The following LOXL1 variants were observed in gnomAD, a reference collection of about 807,000 sequenced individuals.
The protein encoded by LOXL1 is lysyl oxidase homolog 1.
Under a neutral mutation model 62.2 loss-of-function variants are expected in LOXL1, and 31 were observed. The observed-to-expected ratio is 0.50, with a 90% CI of 0.37 to 0.67. The LOEUF (loss-of-function observed/expected upper bound fraction) is 0.67. LOXL1 is among the 30% of genes least tolerant of loss of function. The pLI is 0.00. For missense variants in LOXL1, 775 were observed against 843.4 expected, an observed-to-expected ratio of 0.92 and a Z score of 1.00; for synonymous variants, 403 against 384.4, an observed-to-expected ratio of 1.05 and a Z score of -0.56.
Position 73,947,642 on chromosome 15 carries a change from T to C in LOXL1, c.1507-165T>C, listed in dbSNP as rs949111856. On this transcript the variant is annotated intron_variant, in intron 4 of 6. Transcript: ENST00000261921. ...ATATCTGTCTTTCCTCTGGTCCATC[T>C]AGCCAGTGGCTTTAGGAAGGTGTGG... is the stretch of plus-strand genomic sequence containing the variant. The C allele has an allele frequency of 2.9e-5, 16 of 561,014 alleles. No homozygotes were observed. In the South Asian group the frequency reaches 3.6e-4, roughly 13 times the overall value. The allele number at this position is 561,014 out of a possible 1,614,324, so 34.8% of individuals were successfully genotyped here.
intron 1 of LOXL1, among the ~76,000 whole-genome samples, chr15:73,933,701 G>C (rs1595844577): frequency 2.0e-5 from 3 of 152,388 alleles, no homozygotes; most frequent in Admixed American, 2.0e-4. Flanking sequence ...ACACATGGAA[G>C]ACTTCCCAGG....
At chr15:73,939,259 G>T (rs561854559) in intron 1 of LOXL1, among the ~76,000 whole-genome samples, 43 of 152,304 alleles carry the variant, frequency 2.8e-4, no homozygotes, top group Admixed American at 2.2e-3. Flanking sequence ...AGGAGCCATT[G>T]TTCCTTCCTG....
intron 4 of LOXL1, 41 bp downstream of exon 4, chr15:73,947,264 GGAGTT>G: frequency 6.4e-7 from 1 of 1,560,514 alleles, no homozygotes. Context: ...GGGAGGATAA[GGAGTT>G]GGGGAGGCAA....
chr15:73,927,592 T>C lies in LOXL1; in HGVS notation c.809T>C (p.Leu270Pro). Residue 270 changes from leucine (L) to proline (P), a missense_variant, in exon 1 of 7, where the codon CTG becomes CCG. Coordinates refer to ENST00000261921, the MANE Select transcript of LOXL1 (RefSeq NM_005576.4). Reference sequence around the variant, plus strand: ...CCGCCGCCGCCGCCCCCCGACGGCCTGGACCGCCGCTACTCGCACAGTCTG... The same window carrying C: ...CCGCCGCCGCCGCCCCCCGACGGCCCGGACCGCCGCTACTCGCACAGTCTG... ...VPPPPPPPDG[L>P]DRRYSHSLYS... 1 of 1,501,530 alleles carries C rather than the reference T, an allele frequency of 6.7e-7. No homozygotes were observed. Among genetic ancestry groups the C allele is most frequent in the Admixed American group, 2.1e-5 (1 of 46,988 alleles). The allele number at this position is 1,501,530 out of a possible 1,614,324, so 93.0% of individuals were successfully genotyped here. A position where few individuals can be genotyped will look rare whatever the true frequency, so the allele number is the denominator to read the frequency against.
At chr15:73,950,293 TAAAAA>T (rs5813735) in intron 6 of LOXL1, among the ~76,000 whole-genome samples, 10 of 146,088 alleles carry the variant, frequency 6.8e-5, no homozygotes, top group Admixed American at 6.8e-4. Context: ...CCTTTTCCAT[TAAAAA>T]AAAAAAAAAA....
At chr15:73,940,553 C>T (rs1484974452) in intron 1 of LOXL1, among the ~76,000 whole-genome samples, 2 of 152,048 alleles carry the variant, frequency 1.3e-5, no homozygotes, top group Non-Finnish European at 2.9e-5. Context: ...ATCAGACCTC[C>T]GTCTGTGACC....
intron 1 of LOXL1, 30 bp downstream of exon 1, chr15:73,927,915 G>A (rs2068602278): frequency 7.7e-7 from 1 of 1,297,222 alleles, no homozygotes; most frequent in Non-Finnish European, 9.7e-7. Flanking sequence ...CCCTCCGGCC[G>A]CGCGTACCCC....
At chr15:73,935,934 G>GGTGTGTGTGT (rs3056338) in intron 1 of LOXL1, among the ~76,000 whole-genome samples, 18,328 of 131,648 alleles carry the variant, frequency 0.14, 1,491 homozygotes, top group East Asian at 0.22. Context: ...AGGTAGAGCT[G>GGTGTGTGTGT]GTGTGTGTGT....
intron 1 of LOXL1, among the ~76,000 whole-genome samples, chr15:73,935,179 G>A (rs2068662282): frequency 6.6e-6 from 1 of 152,278 alleles, no homozygotes; most frequent in Non-Finnish European, 1.5e-5. Flanking sequence ...CTGCTAAACA[G>A]GGCCCCTGAC....
At chr15:73,929,355 C>G (rs976646614) in intron 1 of LOXL1, among the ~76,000 whole-genome samples, 2 of 152,236 alleles carry the variant, frequency 1.3e-5, no homozygotes, top group Admixed American at 1.3e-4. Context: ...AGTATAGGTG[C>G]TAGTGCCCCA....
Position 73,945,892 on chromosome 15 carries a change from C to A in LOXL1, c.1212-525C>A, listed in dbSNP as rs908062418. 2.0e-5 allele frequency among the ~76,000 whole-genome samples: 3 copies of A among 151,974 alleles called. No homozygotes were observed. The highest frequency in any genetic ancestry group is 4.4e-5 in the Non-Finnish European group (3 of 67,998). ...TAATTTTTTAATTTTTTAAAAATTT[C>A]TTTAATTAAATTAATTTTTTAAATT... On this transcript the variant is annotated intron_variant, in intron 2 of 6. Coordinates refer to ENST00000261921, the MANE Select transcript of LOXL1 (RefSeq NM_005576.4). This position sits in a 1 kb window ranked among gnomAD's most constrained non-coding sequence, Gnocchi z 4.3.
At position 73,952,012 on chromosome 15, in the gene LOXL1, C is replaced by T. The variant is rs1015580225; in HGVS notation, c.*175C>T. On this transcript the variant is annotated 3_prime_UTR_variant, in exon 7 of 7. Coordinates refer to ENST00000261921, the MANE Select transcript of LOXL1 (RefSeq NM_005576.4). Reference sequence around the variant, plus strand: ...CCACAGGGATTCCGGACGCCAGACCCCATTTTATACTTCACTTTTCTCTAC... The same window carrying T: ...CCACAGGGATTCCGGACGCCAGACCTCATTTTATACTTCACTTTTCTCTAC... 3 of 431,138 alleles carry T rather than the reference C, an allele frequency of 7.0e-6. No homozygotes were observed. Among genetic ancestry groups the T allele is most frequent in the South Asian group, 6.5e-5 (1 of 15,454 alleles). 26.7% of individuals were successfully genotyped at this position (431,138 alleles called of 1,614,324 possible). A position where few individuals can be genotyped will look rare whatever the true frequency, so the allele number is the denominator to read the frequency against.
Position 73,926,929 on chromosome 15 carries a change from G to A in LOXL1, c.146G>A (p.Gly49Glu). The A allele has an allele frequency of 6.4e-7, 1 of 1,570,868 alleles. No individual in the cohort carries two copies. Among genetic ancestry groups the A allele is most frequent in the Non-Finnish European group, 8.6e-7 (1 of 1,159,354 alleles). ...WRQLIQWENNGQVYSLLNSGS... is the reference protein window; with the variant it reads ...WRQLIQWENNEQVYSLLNSGS... ...CAGCTGATCCAGTGGGAGAACAACG[G>A]GCAGGTGTACAGCTTGCTCAACTCG... The change falls in exon 1 of 7, where the codon GGG (glycine) becomes GAG (glutamate). Residue 49 changes from glycine (G) to glutamate (E), a missense_variant. Physicochemically the swap from Gly to Glu is moderately conservative, Grantham distance 98 (BLOSUM62 -2). Coordinates refer to ENST00000261921, the MANE Select transcript of LOXL1 (RefSeq NM_005576.4).
At chr15:73,943,422 G>C (rs2068728257) in intron 2 of LOXL1, among the ~76,000 whole-genome samples, 5 of 152,336 alleles carry the variant, frequency 3.3e-5, no homozygotes, top group African/African-American at 1.2e-4. Flanking sequence ...CAGGAGTATG[G>C]AGCCATGTCC....
intron 1 of LOXL1, among the ~76,000 whole-genome samples, chr15:73,940,453 G>GTTT (rs77904740): frequency 6.9e-6 from 1 of 145,808 alleles, no homozygotes; most frequent in Admixed American, 6.8e-5. Context: ...AGCAATTCCT[G>GTTT]TTTTTTTTTT....
At position 73,942,946 on chromosome 15, in the gene LOXL1, G is replaced by C; in HGVS notation, c.1195G>C (p.Glu399Gln). 6.2e-7 allele frequency: 1 copy of C among 1,613,798 alleles called. No individual in the cohort carries two copies. The highest frequency in any genetic ancestry group is 8.5e-7 in the Non-Finnish European group (1 of 1,179,700). The change falls in exon 2 of 7, where the codon GAG (glutamate) becomes CAG (glutamine). Residue 399 changes from glutamate to glutamine, a missense_variant. Physicochemically the swap from Glu to Gln is conservative, Grantham distance 29. Transcript: ENST00000261921. ...HLYSLRCAAE[E>Q]KCLASTAYAP... The stretch of plus-strand genomic sequence containing the variant: ...GTACTCCCTGCGCTGTGCTGCGGAG[G>C]AGAAGTGTCTGGCCAGGTAAGGAGC...
chr15:73,929,557 C>T (rs1173821078), intron 1 of LOXL1, among the ~76,000 whole-genome samples: 4 of 152,212 alleles, frequency 2.6e-5, no homozygotes, highest in African/African-American at 9.7e-5. Flanking sequence ...GAGTTGTGTG[C>T]TGAATCCCAC....
At chr15:73,936,981 A>G (rs2068677883) in intron 1 of LOXL1, among the ~76,000 whole-genome samples, 1 of 152,242 alleles carries the variant, frequency 6.6e-6, no homozygotes, top group South Asian at 2.1e-4. Context: ...GGGGCCAGCT[A>G]GTTCAGTCTC....
At chr15:73,935,039 G>C (rs2068661312) in intron 1 of LOXL1, among the ~76,000 whole-genome samples, 1 of 152,166 alleles carries the variant, frequency 6.6e-6, no homozygotes, top group South Asian at 2.1e-4. Flanking sequence ...GGTATAACAG[G>C]GGACAGGTCA....
Sources: gnomAD v4.1 joint callset for allele counts (sites outside exome capture counted in the v4.1 genomes callset) on GRCh38, gnomAD v4.1.1 for gene constraint, Gnocchi (gnomAD v3.1) non-coding constraint, MANE v1.5 for transcripts, NCBI Gene and HGNC (gene_info 2026-07-23, HGNC 2026-07-21) for gene names.